The following DPP6 variants were observed in gnomAD, a reference collection of about 807,000 sequenced individuals.
DPP6 encodes dipeptidyl peptidase like 6.
Under a neutral mutation model 122.6 loss-of-function variants are expected in DPP6, and 69 were observed. That is an observed-to-expected ratio of 0.56 (90% CI 0.46 to 0.69). The LOEUF (loss-of-function observed/expected upper bound fraction) is 0.69. Among genes scored for constraint, DPP6 ranks in the 30% least tolerant of loss-of-function variants. The pLI is 0.00. For missense variants in DPP6, 928 were observed against 1,116.9 expected (o/e 0.83, Z 2.41); for synonymous variants, 418 against 433.1 (o/e 0.97, Z 0.43).
chr7:153,876,146 A>AT, the DPP6 span, among the ~76,000 whole-genome samples: 2 of 152,098 alleles, frequency 1.3e-5, no homozygotes, highest in Non-Finnish European at 2.9e-5. Flanking sequence ...TTCAAAATAT[A>AT]TAAAGCAAAA....
rs1329294090 is a variant in DPP6 at position 154,456,795 on chromosome 7, C to T, written c.358+10467C>T. Among the ~76,000 whole-genome samples the T allele has an allele frequency of 3.6e-4, 7 of 19,406 alleles. 3 individuals are homozygous for T. The highest frequency in any genetic ancestry group is 9.7e-4 in the African/African-American group (7 of 7,236). 12.7% of individuals were successfully genotyped at this position (19,406 alleles called of 152,430 possible). A position where few individuals can be genotyped will look rare whatever the true frequency, so the allele number is the denominator to read the frequency against. On this transcript the variant is annotated intron_variant, in intron 2 of 25. Coordinates refer to ENST00000377770, the MANE Select transcript of DPP6 (RefSeq NM_130797.4). ...GTATCCTGAGACTTTGCTGAAGTTG[C>T]TTATCAGCTTAAGGAGATTTTGGGC...
At chr7:154,098,374 G>A (rs1463778836) in intron 1 of DPP6, among the ~76,000 whole-genome samples, 1 of 152,126 alleles carries the variant, frequency 6.6e-6, no homozygotes, top group Non-Finnish European at 1.5e-5. Flanking sequence ...AAATTACCCA[G>A]TATTAGGTAT....
the DPP6 span, among the ~76,000 whole-genome samples, chr7:153,831,671 G>T: frequency 6.6e-6 from 1 of 152,140 alleles, no homozygotes; most frequent in Non-Finnish European, 1.5e-5. Flanking sequence ...ATAATTTTTT[G>T]TGTCACAAAA....
intron 10 of DPP6, among the ~76,000 whole-genome samples, chr7:154,790,847 G>C (rs1222267414): frequency 6.9e-6 from 1 of 144,748 alleles, no homozygotes; most frequent in East Asian, 2.0e-4. Flanking sequence ...GAAGGAGGGA[G>C]GGAGGGGAGG....
chr7:154,511,791 T>TAAGATAAGATACCATAAGATA (rs375140774), intron 3 of DPP6, among the ~76,000 whole-genome samples: 1,579 of 152,342 alleles, frequency 0.01, 30 homozygotes, highest in African/African-American at 0.036. Flanking sequence ...GATCTTACCA[T>TAAGATAAGATACCATAAGATA]AGTGTTATCT....
At chr7:154,320,748 C>T (rs1041445033) in intron 1 of DPP6, among the ~76,000 whole-genome samples, 1 of 152,040 alleles carries the variant, frequency 6.6e-6, no homozygotes, top group Non-Finnish European at 1.5e-5. Context: ...AACCTCCCAA[C>T]GTGCTGGGAT....
intron 1 of DPP6, chr7:154,057,436 G>C (rs1800941655): frequency 5.6e-6 from 1 of 179,888 alleles, no homozygotes; most frequent in Admixed American, 6.6e-5. Flanking sequence ...GACCCACCTG[G>C]AGGACTGTGG....
chr7:154,308,111 A>G (rs1196678467), intron 1 of DPP6, among the ~76,000 whole-genome samples: 3 of 152,142 alleles, frequency 2.0e-5, no homozygotes, highest in East Asian at 1.9e-4. Context: ...GGTTACTGCA[A>G]TAGACTACCC....
At chr7:154,055,257 A>C (rs576416782) in intron 1 of DPP6, among the ~76,000 whole-genome samples, 36 of 138,612 alleles carry the variant, frequency 2.6e-4, no homozygotes, top group Non-Finnish European at 3.9e-4. Context: ...ATGTCCTTTA[A>C]ATTGTATAAT....
chr7:154,853,777 C>T lies in DPP6; in HGVS notation c.1667-3C>T. 1 of 1,613,704 alleles carries T rather than the reference C, an allele frequency of 6.2e-7. No individual in the cohort carries two copies. The highest frequency in any genetic ancestry group is 8.5e-7 in the Non-Finnish European group (1 of 1,179,744). ...CTTCCTGGCTATTCTCTACCCAACA[C>T]AGGTCCTGGTGTTCCTATGGTGACG... On this transcript the variant is annotated splice_region_variant and splice_polypyrimidine_tract_variant and intron_variant, in intron 16 of 25. Transcript: ENST00000377770.
intron 2 of DPP6, among the ~76,000 whole-genome samples, chr7:154,469,424 G>C (rs1240110523): frequency 6.6e-6 from 1 of 152,178 alleles, no homozygotes; most frequent in African/African-American, 2.4e-5. Context: ...GTGTTCCCCT[G>C]ACTCACAGCT....
chr7:154,060,635 G>C (rs1425151353), intron 1 of DPP6, among the ~76,000 whole-genome samples: 6 of 144,946 alleles, frequency 4.1e-5, no homozygotes, highest in East Asian at 2.0e-4. Context: ...CCCCATCGCA[G>C]GAGGGGGAGG....
intron 1 of DPP6, among the ~76,000 whole-genome samples, chr7:154,216,624 C>T (rs1800013945): frequency 6.6e-6 from 1 of 152,108 alleles, no homozygotes; most frequent in South Asian, 2.1e-4. Flanking sequence ...CTAAAAGGCT[C>T]CCTTTCAAAT....
intron 8 of DPP6, among the ~76,000 whole-genome samples, chr7:154,757,408 C>T (rs1795198992): frequency 1.3e-5 from 2 of 152,212 alleles, no homozygotes; most frequent in East Asian, 1.9e-4. Flanking sequence ...GAAAAGTTCC[C>T]TCTCCTCCCC....
chr7:154,718,579 C>T (rs1474402748), intron 7 of DPP6, among the ~76,000 whole-genome samples: 1 of 151,616 alleles, frequency 6.6e-6, no homozygotes, highest in Non-Finnish European at 1.5e-5. Flanking sequence ...CACTGTGGAA[C>T]CCACAGTGAG....
intron 1 of DPP6, among the ~76,000 whole-genome samples, chr7:154,348,506 T>C (rs1206814647): frequency 3.3e-5 from 5 of 152,200 alleles, no homozygotes; most frequent in African/African-American, 1.2e-4. Context: ...GTGAAATCGC[T>C]GATTATTTAA....
chr7:154,595,249 T>C (rs2130749508), intron 5 of DPP6, among the ~76,000 whole-genome samples: 1 of 152,254 alleles, frequency 6.6e-6, no homozygotes, highest in East Asian at 1.9e-4. Context: ...TTTTCTGCAC[T>C]CAGCCTTACC....
rs550344231 is a variant in DPP6 at position 154,423,286 on chromosome 7, A to C, written c.244-22928A>C. Among the ~76,000 whole-genome samples, 4 of 152,274 alleles carry C rather than the reference A, an allele frequency of 2.6e-5. No homozygotes were observed. The South Asian group carries it at 8.3e-4, about 32-fold the overall frequency. The stretch of plus-strand genomic sequence containing the variant: ...GGATTTAGTAGAGTCAGGGAGGTGA[A>C]AAACTCCGAGGGTTAGTCATGTGAT... On this transcript the variant is annotated intron_variant, in intron 1 of 25. Coordinates refer to ENST00000377770, the MANE Select transcript of DPP6 (RefSeq NM_130797.4).
chr7:154,086,588 T>A (rs1804438986), intron 1 of DPP6, among the ~76,000 whole-genome samples: 1 of 150,630 alleles, frequency 6.6e-6, no homozygotes, highest in Non-Finnish European at 1.5e-5. Flanking sequence ...TCTGCAGATA[T>A]ACAGTGAGCA....
Sources: allele counts gnomAD v4.1 joint callset (sites outside exome capture counted in the v4.1 genomes callset), GRCh38; gene constraint gnomAD v4.1.1; transcripts MANE v1.5; gene names NCBI Gene and HGNC (gene_info 2026-07-23, HGNC 2026-07-21).